Variants in SEMA3C observed in about 807,000 individuals in gnomAD.
SEMA3C encodes the protein semaphorin 3C.
SEMA3C carries 47 observed loss-of-function variants against 89.4 expected under a neutral mutation model. The ratio of observed to expected loss-of-function variants is 0.53; its 90% CI spans 0.42 to 0.67. The LOEUF is 0.67. Among genes scored for constraint, SEMA3C ranks in the 30% least tolerant of loss-of-function variants. SEMA3C has a pLI of 0.00. For missense variants in SEMA3C, 839 were observed against 929.1 expected, an observed-to-expected ratio of 0.90 and a Z score of 1.26; for synonymous variants, 310 against 320.2, an observed-to-expected ratio of 0.97 and a Z score of 0.34.
At chr7:80,888,892 C>G (rs1791545567) in intron 2 of SEMA3C, among the ~76,000 whole-genome samples, 1 of 151,864 alleles carries the variant, frequency 6.6e-6, no homozygotes, top group Non-Finnish European at 1.5e-5. Context: ...GAGATGGAGT[C>G]TCACTCAGGA....
Position 80,918,905 on chromosome 7 carries a change from TCCC to T in SEMA3C, c.-119_-117del, listed in dbSNP as rs1181516915. On this transcript the variant is annotated 5_prime_UTR_variant, in exon 1 of 18. Coordinates refer to ENST00000265361, the MANE Select transcript of SEMA3C (RefSeq NM_006379.5). ...GATGCGCTTGTGTCTCCAGTCCTTTTCCCAGACGACCTTATTTTCTAGCACGTC... is the reference window on the plus strand; with the variant it reads ...GATGCGCTTGTGTCTCCAGTCCTTTTAGACGACCTTATTTTCTAGCACGTC... 1.0e-6 allele frequency: 1 copy of T among 985,352 alleles called. No individual in the cohort carries two copies. The highest frequency in any genetic ancestry group is 1.2e-6 in the Non-Finnish European group (1 of 829,952). 61.0% of individuals were successfully genotyped at this position (985,352 alleles called of 1,614,324 possible).
At chr7:80,746,859 T>C (rs997415779) in intron 17 of SEMA3C, among the ~76,000 whole-genome samples, 1 of 152,042 alleles carries the variant, frequency 6.6e-6, no homozygotes, top group African/African-American at 2.4e-5. Flanking sequence ...GTATTAGTAT[T>C]ATTCAATAGA....
rs1554357186 is a variant in SEMA3C, at chr7:80,744,134, A to ACAAAT, written c.*759_*760insATTTG. On this transcript the variant is annotated 3_prime_UTR_variant, in exon 18 of 18. Coordinates refer to ENST00000265361, the MANE Select transcript of SEMA3C (RefSeq NM_006379.5). Reference sequence around the variant, plus strand: ...CCAGATTATATTCTTTGAGTCTAAAATAAATAACTTCCAAAAAAAGTAAGT... The same window carrying ACAAAT: ...CCAGATTATATTCTTTGAGTCTAAAACAAATTAAATAACTTCCAAAAAAAGTAAGT... 6.6e-6 allele frequency: 1 copy of ACAAAT among 151,700 alleles called. No individual in the cohort carries two copies. The highest frequency in any genetic ancestry group is 6.6e-5 in the Admixed American group (1 of 15,234). 9.4% of individuals were successfully genotyped at this position (151,700 alleles called of 1,614,324 possible).
At chr7:80,781,041 G>A (rs149172930) in intron 12 of SEMA3C, among the ~76,000 whole-genome samples, 116 of 152,250 alleles carry the variant, frequency 7.6e-4, no homozygotes, top group African/African-American at 2.7e-3. Context: ...GAGACCACCC[G>A]CTTTCCTTGG....
chr7:80,850,295 T>G (rs1790481644), intron 2 of SEMA3C, among the ~76,000 whole-genome samples: 1 of 152,190 alleles, frequency 6.6e-6, no homozygotes, highest in African/African-American at 2.4e-5. Context: ...ATTCAATTTC[T>G]AGTTATATAC....
At chr7:80,839,516 A>G (rs1437176226) in intron 2 of SEMA3C, among the ~76,000 whole-genome samples, 1 of 152,114 alleles carries the variant, frequency 6.6e-6, no homozygotes, top group East Asian at 1.9e-4. Context: ...AAACTATTAC[A>G]CTGTCATTAA....
At chr7:80,799,051 CAA>C (rs963238314) in intron 10 of SEMA3C, among the ~76,000 whole-genome samples, 34 of 152,162 alleles carry the variant, frequency 2.2e-4, no homozygotes, top group African/African-American at 8.2e-4. Context: ...AAAAACAAAA[CAA>C]GAAAAATCGT....
intron 6 of SEMA3C, among the ~76,000 whole-genome samples, chr7:80,807,368 T>C (rs1789366243): frequency 6.6e-6 from 1 of 152,170 alleles, no homozygotes; most frequent in South Asian, 2.1e-4. Context: ...ACCTTATTAG[T>C]CATGTCTCAA....
chr7:80,895,675 A>G (rs1791716980), intron 2 of SEMA3C, among the ~76,000 whole-genome samples: 1 of 152,196 alleles, frequency 6.6e-6, no homozygotes, highest in Non-Finnish European at 1.5e-5. Context: ...TCAGGAATAC[A>G]TGTCATCTAT....
At chr7:80,871,777 C>G (rs1791065175) in intron 2 of SEMA3C, among the ~76,000 whole-genome samples, 2 of 152,158 alleles carry the variant, frequency 1.3e-5, no homozygotes, top group Non-Finnish European at 2.9e-5. Flanking sequence ...AAATTTCGGT[C>G]TCAAGACCTA....
intron 2 of SEMA3C, among the ~76,000 whole-genome samples, chr7:80,833,588 G>A (rs929346): frequency 0.22 from 33,746 of 152,062 alleles, 3,952 homozygotes; most frequent in East Asian, 0.35. Context: ...CTAGTTTTCC[G>A]AGCCATAAAG....
At chr7:80,820,936 C>G (rs1339495758) in intron 4 of SEMA3C, among the ~76,000 whole-genome samples, 4 of 152,100 alleles carry the variant, frequency 2.6e-5, no homozygotes, top group African/African-American at 9.7e-5. Context: ...TTATGTCTCT[C>G]TCATCTTGGG....
At chr7:80,749,128 C>T (rs1787867707) in intron 16 of SEMA3C, 100 bp from the exon 17 acceptor site, 1 of 1,238,886 alleles carries the variant, frequency 8.1e-7, no homozygotes, top group Non-Finnish European at 1.1e-6. Context: ...TATTTTTATA[C>T]AAAATTGTGA....
At chr7:80,815,433 C>A (rs1236704872) in intron 5 of SEMA3C, among the ~76,000 whole-genome samples, 1 of 151,200 alleles carries the variant, frequency 6.6e-6, no homozygotes, top group East Asian at 2.0e-4. Context: ...GGAAATTCAG[C>A]CTCCTACTCT....
intron 2 of SEMA3C, among the ~76,000 whole-genome samples, chr7:80,912,826 A>G (rs1792183366): frequency 6.6e-6 from 1 of 151,884 alleles, no homozygotes; most frequent in African/African-American, 2.4e-5. Context: ...CAACCACAAC[A>G]AAAACTATTT....
At chr7:80,798,438 G>C (rs976820107) in intron 10 of SEMA3C, among the ~76,000 whole-genome samples, 2 of 152,090 alleles carry the variant, frequency 1.3e-5, no homozygotes, top group Non-Finnish European at 2.9e-5. Flanking sequence ...TTCATCCATG[G>C]AGTCAGTAGA....
Position 80,881,164 on chromosome 7 carries a change from A to AACACAC in SEMA3C, c.103+35509_103+35514dup, listed in dbSNP as rs71802410. Reference sequence around the variant, plus strand: ...GTTACTTTTGTTGCCTGGAGAAAGAAACACACACACACACACACACACACA... The same window carrying AACACAC: ...GTTACTTTTGTTGCCTGGAGAAAGAAACACACACACACACACACACACACACACACA... On this transcript the variant is annotated intron_variant, in intron 2 of 17. Coordinates refer to ENST00000265361, the MANE Select transcript of SEMA3C (RefSeq NM_006379.5). Among the ~76,000 whole-genome samples the AACACAC allele has an allele frequency of 9.5e-3, 1,293 of 135,496 alleles. 21 individuals are homozygous for AACACAC. Among genetic ancestry groups the AACACAC allele is most frequent in the Admixed American group, 0.035 (464 of 13,292 alleles). 88.9% of individuals were successfully genotyped at this position (135,496 alleles called of 152,430 possible).
chr7:80,762,190 A>C (rs976533999), intron 13 of SEMA3C, among the ~76,000 whole-genome samples: 2 of 152,120 alleles, frequency 1.3e-5, no homozygotes, highest in African/African-American at 2.4e-5. Flanking sequence ...AATTTTTGGA[A>C]TATTCAATCC....
chr7:80,878,723 G>A (rs954081453), intron 2 of SEMA3C, among the ~76,000 whole-genome samples: 2 of 152,090 alleles, frequency 1.3e-5, no homozygotes, highest in African/African-American at 4.8e-5. Context: ...ATTGGGTTCA[G>A]GAGGGAATTA....
Sources: allele counts gnomAD v4.1 joint callset (sites outside exome capture counted in the v4.1 genomes callset), GRCh38; gene constraint gnomAD v4.1.1; transcripts MANE v1.5; gene names NCBI Gene and HGNC (gene_info 2026-07-23, HGNC 2026-07-21).